Variants in CALD1 observed in about 807,000 individuals in gnomAD.
The protein encoded by CALD1 is caldesmon 1.
A neutral mutation model predicts 99.9 loss-of-function variants in CALD1; 33 were observed. The ratio of observed to expected loss-of-function variants is 0.33; its 90% CI spans 0.25 to 0.44. The LOEUF is 0.44. CALD1 is among the 20% of genes least tolerant of loss of function. CALD1 has a pLI of 1.00. For missense variants in CALD1, 861 were observed against 962.1 expected, an observed-to-expected ratio of 0.89 and a Z score of 1.39; for synonymous variants, 310 against 325.0, an observed-to-expected ratio of 0.95 and a Z score of 0.50.
chr7:134,824,901 G>T (rs1226920545), intron 1 of CALD1, among the ~76,000 whole-genome samples: 1 of 152,080 alleles, frequency 6.6e-6, no homozygotes, highest in African/African-American at 2.4e-5. Flanking sequence ...GAGCTCCAGG[G>T]CCTGATGTCT....
intron 1 of CALD1, among the ~76,000 whole-genome samples, chr7:134,757,857 C>T (rs552853495): frequency 2.6e-4 from 39 of 151,518 alleles, no homozygotes; most frequent in Middle Eastern, 6.8e-3. Flanking sequence ...CCAGCCTGGG[C>T]GACAAAGCTA....
intron 3 of CALD1, among the ~76,000 whole-genome samples, chr7:134,898,731 T>A (rs1445649459): frequency 6.6e-6 from 1 of 151,952 alleles, no homozygotes; most frequent in African/African-American, 2.4e-5. Flanking sequence ...GATTTTTGTA[T>A]TTTTGTAGAG....
intron 3 of CALD1, among the ~76,000 whole-genome samples, chr7:134,868,482 C>T (rs559409961): frequency 1.3e-4 from 20 of 152,138 alleles, no homozygotes; most frequent in Admixed American, 2.6e-4. Context: ...GTATTTGATG[C>T]GACTTAAATC....
chr7:134,956,055 AAG>A (rs1807744649), intron 9 of CALD1, among the ~76,000 whole-genome samples: 2 of 152,208 alleles, frequency 1.3e-5, no homozygotes, highest in Non-Finnish European at 1.5e-5. Flanking sequence ...TCAGAAAAAT[AAG>A]AGTTACTTTA....
chr7:134,953,195 A>G (rs1163811810), intron 9 of CALD1, among the ~76,000 whole-genome samples: 1 of 152,104 alleles, frequency 6.6e-6, no homozygotes, highest in Non-Finnish European at 1.5e-5. Context: ...AACCATTCTC[A>G]AGGCCAGGTG....
chr7:134,832,931 C>T (rs1159194580), intron 1 of CALD1, among the ~76,000 whole-genome samples: 1 of 152,172 alleles, frequency 6.6e-6, no homozygotes, highest in Non-Finnish European at 1.5e-5. Context: ...TAATTTGTCA[C>T]AATCACATCT....
the CALD1 span, among the ~76,000 whole-genome samples, chr7:134,737,645 T>C: frequency 6.6e-6 from 1 of 152,176 alleles, no homozygotes; most frequent in South Asian, 2.1e-4. Flanking sequence ...CAGGAGGTAG[T>C]GCTCGTGAAT....
the CALD1 span, among the ~76,000 whole-genome samples, chr7:134,728,545 C>T: frequency 6.6e-6 from 1 of 152,198 alleles, no homozygotes; most frequent in Non-Finnish European, 1.5e-5. Flanking sequence ...TACAGAGGAA[C>T]ATTTAGGCCG....
At chr7:134,797,627 T>G (rs1738567549) in intron 1 of CALD1, among the ~76,000 whole-genome samples, 3 of 152,110 alleles carry the variant, frequency 2.0e-5, no homozygotes, top group Admixed American at 2.0e-4. Context: ...GGAGTCTTGC[T>G]CTGTGGCCAG....
At chr7:134,855,058 C>T (rs939673415) in intron 2 of CALD1, among the ~76,000 whole-genome samples, 7 of 152,206 alleles carry the variant, frequency 4.6e-5, no homozygotes, top group African/African-American at 1.7e-4. Flanking sequence ...GATTGAAAGT[C>T]TCCTGAGGCC....
chr7:134,867,557 C>T (rs895365717), intron 2 of CALD1, 136 bp from the exon 3 acceptor site: 5 of 416,184 alleles, frequency 1.2e-5, no homozygotes, highest in African/African-American at 2.0e-5. Flanking sequence ...AGAAATTGAT[C>T]ACTGGCTACC....
rs946085338 is a variant in CALD1 at position 134,969,694 on chromosome 7, A to G, written c.*1349A>G. The G allele has an allele frequency of 6.6e-6, 1 of 152,214 alleles. No homozygotes were observed. The highest frequency in any genetic ancestry group is 1.5e-5 in the Non-Finnish European group (1 of 68,036). 9.4% of individuals were successfully genotyped at this position (152,214 alleles called of 1,614,324 possible). ...CAATGTGGTGAAATTTCAAAATTAT[A>G]TGTAACTTCTACTAGTTTTACTTTC... On this transcript the variant is annotated 3_prime_UTR_variant, in exon 15 of 15. Transcript: ENST00000361675.
rs578227376 is a variant in CALD1 at position 134,962,482 on chromosome 7, AAAG to A, written c.2295+1860_2295+1862del. ...CACCCCCTAGAGGGTGAAGAAAAGGAAAGAAGAACATGGCAGTTAGTATAGATT... is the reference window on the plus strand; with the variant it reads ...CACCCCCTAGAGGGTGAAGAAAAGGAAAGAACATGGCAGTTAGTATAGATT... On this transcript the variant is annotated intron_variant, in intron 13 of 14. Coordinates refer to ENST00000361675, the MANE Select transcript of CALD1 (RefSeq NM_033138.4). 5.2e-4 allele frequency: 98 copies of A among 186,858 alleles called. 1 individual carries two copies. The East Asian group carries it at 0.012, about 23-fold the overall frequency. 11.6% of individuals were successfully genotyped at this position (186,858 alleles called of 1,614,324 possible).
chr7:134,923,438 C>G (rs999016792), intron 3 of CALD1, among the ~76,000 whole-genome samples: 2 of 152,180 alleles, frequency 1.3e-5, no homozygotes, highest in Non-Finnish European at 2.9e-5. Flanking sequence ...AGATAAACTT[C>G]AGGATCCCAC....
rs1808022823 is a variant in CALD1 at position 134,958,897 on chromosome 7, A to ATTTAAC, written c.2061+608_2061+609insTTAACT. On this transcript the variant is annotated intron_variant, in intron 11 of 14. Transcript: ENST00000361675. ...AATATATATATATATATATATATAT[A>ATTTAAC]TATATATATATATTTAACTATATAT... Among the ~76,000 whole-genome samples, 3 of 102,130 alleles carry ATTTAAC rather than the reference A, an allele frequency of 2.9e-5. 1 individual carries two copies. The Middle Eastern group carries it at 0.015, about 501-fold the overall frequency. 67.0% of individuals were successfully genotyped at this position (102,130 alleles called of 152,430 possible).
At chr7:134,858,342 G>T (rs909805575) in intron 2 of CALD1, among the ~76,000 whole-genome samples, 13 of 151,976 alleles carry the variant, frequency 8.6e-5, no homozygotes, top group African/African-American at 3.1e-4. Context: ...CAGCTAGATT[G>T]CCCCCATCCA....
the CALD1 span, among the ~76,000 whole-genome samples, chr7:134,728,732 C>T: frequency 6.6e-5 from 10 of 152,168 alleles, no homozygotes; most frequent in African/African-American, 2.4e-4. Context: ...GATCTCTAGA[C>T]TCTTCCTGTC....
intron 1 of CALD1, among the ~76,000 whole-genome samples, chr7:134,758,185 C>T (rs2131586328): frequency 6.6e-6 from 1 of 152,290 alleles, no homozygotes; most frequent in Non-Finnish European, 1.5e-5. Flanking sequence ...TTTCCTAAAG[C>T]CTGTGTGAGA....
intron 1 of CALD1, among the ~76,000 whole-genome samples, chr7:134,841,394 A>G (rs1799642925): frequency 6.6e-6 from 1 of 152,204 alleles, no homozygotes; most frequent in Non-Finnish European, 1.5e-5. Flanking sequence ...TAAATATTTT[A>G]TTTTAATTTC....
Sources: allele counts gnomAD v4.1 joint callset (sites outside exome capture counted in the v4.1 genomes callset), GRCh38; gene constraint gnomAD v4.1.1; transcripts MANE v1.5; gene names NCBI Gene and HGNC (gene_info 2026-07-23, HGNC 2026-07-21).